Variants in JAM2 observed in about 807,000 individuals in gnomAD.
JAM2 encodes junctional adhesion molecule 2.
In JAM2, 17 loss-of-function variants were observed where a neutral mutation model predicts 42.0. The ratio of observed to expected loss-of-function variants is 0.40; its 90% CI spans 0.28 to 0.61. The LOEUF (loss-of-function observed/expected upper bound fraction) is 0.61. Ranked by LOEUF, JAM2 falls within the 20% of genes least tolerant of loss-of-function variation. The probability of loss-of-function intolerance (pLI) is 0.37; values close to 1 mark genes in which losing one functional copy is unlikely to be tolerated. For missense variants in JAM2, 319 were observed against 358.3 expected (o/e 0.89, Z 0.89); for synonymous variants, 118 against 128.6 (o/e 0.92, Z 0.56).
intron 5 of JAM2, among the ~76,000 whole-genome samples, chr21:25,699,586 G>A (rs551153604): frequency 1.2e-4 from 19 of 152,030 alleles, no homozygotes; most frequent in South Asian, 1.0e-3. Flanking sequence ...AGCCGGGCGT[G>A]GTGGCGGGCG....
intron 6 of JAM2, 57 bp from the exon 7 acceptor site, chr21:25,705,922 A>T: frequency 8.7e-7 from 1 of 1,151,104 alleles, no homozygotes; most frequent in Middle Eastern, 1.9e-4. Context: ...CAATTTAATG[A>T]CTGCATCTGT....
Position 25,689,858 on chromosome 21 carries a change from G to C in JAM2, c.134-8G>C. The C allele has an allele frequency of 6.4e-7, 1 of 1,558,752 alleles. No individual in the cohort carries two copies. The highest frequency in any genetic ancestry group is 8.8e-7 in the Non-Finnish European group (1 of 1,131,920). ...TTAGAAAACAAGTATTTTTATTGTT[G>C]TTCCTAGAGGCTATTTTAGCCTGCA... On this transcript the variant is annotated splice_polypyrimidine_tract_variant and splice_region_variant and intron_variant, in intron 2 of 9. Transcript: ENST00000480456.
At chr21:25,678,069 T>C (rs975151322) in intron 1 of JAM2, among the ~76,000 whole-genome samples, 5 of 151,834 alleles carry the variant, frequency 3.3e-5, no homozygotes, top group Admixed American at 6.6e-5. Flanking sequence ...CTACTAAAAA[T>C]ACAAAAATTA....
intron 1 of JAM2, among the ~76,000 whole-genome samples, chr21:25,675,435 G>T (rs2033461444): frequency 6.6e-6 from 1 of 152,058 alleles, no homozygotes; most frequent in Non-Finnish European, 1.5e-5. Context: ...AGCAGAGGTT[G>T]CAGTGAGCCA....
At chr21:25,653,957 A>G (rs1289193266) in intron 1 of JAM2, among the ~76,000 whole-genome samples, 4 of 152,246 alleles carry the variant, frequency 2.6e-5, no homozygotes, top group Non-Finnish European at 5.9e-5. Flanking sequence ...AAATGCATTA[A>G]TTATAAAGAT....
At chr21:25,701,350 C>A (rs1226272927) in intron 5 of JAM2, among the ~76,000 whole-genome samples, 1 of 151,998 alleles carries the variant, frequency 6.6e-6, no homozygotes, top group Non-Finnish European at 1.5e-5. Context: ...GGATTACACT[C>A]CCTTTCTTCC....
At chr21:25,651,575 GA>G (rs1229535332) in intron 1 of JAM2, among the ~76,000 whole-genome samples, 2 of 152,194 alleles carry the variant, frequency 1.3e-5, no homozygotes, top group Admixed American at 6.5e-5. Context: ...GCAATATGTA[GA>G]AAAATTCTAT....
At chr21:25,703,968 C>T (rs1468566966) in intron 6 of JAM2, among the ~76,000 whole-genome samples, 3 of 151,970 alleles carry the variant, frequency 2.0e-5, no homozygotes, top group Non-Finnish European at 4.4e-5. Context: ...TACAACTTAG[C>T]ACTTACAGAA....
chr21:25,688,464 A>T (rs1416124594), intron 2 of JAM2, among the ~76,000 whole-genome samples: 1 of 152,242 alleles, frequency 6.6e-6, no homozygotes, highest in Non-Finnish European at 1.5e-5. Context: ...TCTACAACTC[A>T]AGACTCCGGA....
chr21:25,687,185 G>A (rs1360129136), intron 2 of JAM2, among the ~76,000 whole-genome samples: 1 of 152,184 alleles, frequency 6.6e-6, no homozygotes, highest in Admixed American at 6.5e-5. Context: ...CTTCAAGGGT[G>A]AAAACAATAA....
intron 1 of JAM2, among the ~76,000 whole-genome samples, chr21:25,645,359 A>G (rs1350962777): frequency 1.3e-5 from 2 of 152,214 alleles, no homozygotes; most frequent in South Asian, 4.1e-4. Context: ...TGCTTACCTC[A>G]TAGAGGTTTA....
intron 1 of JAM2, among the ~76,000 whole-genome samples, chr21:25,651,775 T>G (rs1177452602): frequency 6.6e-6 from 1 of 152,240 alleles, no homozygotes; most frequent in African/African-American, 2.4e-5. Context: ...AATAACACAA[T>G]GGTAGGCACT....
intron 1 of JAM2, 68 bp downstream of exon 1, chr21:25,639,956 G>T (rs1310126874): frequency 1.5e-5 from 18 of 1,162,244 alleles, no homozygotes; most frequent in Non-Finnish European, 2.2e-5. Context: ...AGCCCCCCAC[G>T]GGGCGCTGGC....
At chr21:25,649,500 C>A (rs2032711610) in intron 1 of JAM2, among the ~76,000 whole-genome samples, 1 of 152,150 alleles carries the variant, frequency 6.6e-6, no homozygotes, top group South Asian at 2.1e-4. Context: ...ATTCAATTAC[C>A]TGCCACCGTG....
chr21:25,686,575 C>A (rs1257842382), intron 2 of JAM2, among the ~76,000 whole-genome samples: 1 of 152,196 alleles, frequency 6.6e-6, no homozygotes, highest in East Asian at 1.9e-4. Context: ...GTGCCAAGAG[C>A]AGAAGGAGAC....
intron 1 of JAM2, among the ~76,000 whole-genome samples, chr21:25,644,610 G>T (rs2032549254): frequency 6.6e-6 from 1 of 152,162 alleles, no homozygotes; most frequent in African/African-American, 2.4e-5. Context: ...AAGTCAGCTG[G>T]TTAGCAACTT....
intron 1 of JAM2, among the ~76,000 whole-genome samples, chr21:25,664,032 A>G (rs2033155056): frequency 6.6e-6 from 1 of 152,250 alleles, no homozygotes; most frequent in African/African-American, 2.4e-5. Flanking sequence ...CTACAACTTA[A>G]TGTAGGAAAG....
intron 2 of JAM2, among the ~76,000 whole-genome samples, chr21:25,689,384 G>C (rs533261485): frequency 6.6e-6 from 1 of 152,138 alleles, no homozygotes; most frequent in African/African-American, 2.4e-5. Flanking sequence ...TGCCTTTCTT[G>C]GGTACTAAGC....
At chr21:25,709,553 G>A (rs1397279658) in intron 8 of JAM2, 104 bp downstream of exon 8, 2 of 697,284 alleles carry the variant, frequency 2.9e-6, no homozygotes, top group Non-Finnish European at 4.9e-6. Flanking sequence ...ATTTGTGTAG[G>A]TTTACTCTCA....
Sources: allele counts gnomAD v4.1 joint callset (sites outside exome capture counted in the v4.1 genomes callset), GRCh38; gene constraint gnomAD v4.1.1; transcripts MANE v1.5; gene names NCBI Gene and HGNC (gene_info 2026-07-23, HGNC 2026-07-21).